PLEKHA5: variants seen among roughly 807,000 people sequenced by gnomAD.
PLEKHA5 encodes pleckstrin homology domain-containing family A member 5.
PLEKHA5 carries 55 observed loss-of-function variants against 181.9 expected under a neutral mutation model. The ratio of observed to expected loss-of-function variants is 0.30; its 90% CI spans 0.24 to 0.38. PLEKHA5 has a LOEUF of 0.38. PLEKHA5 is among the 10% of genes least tolerant of loss of function. The probability of loss-of-function intolerance (pLI) is 1.00; values close to 1 mark genes in which losing one functional copy is unlikely to be tolerated. For missense variants in PLEKHA5, 1,432 were observed against 1,549.5 expected (o/e 0.92, Z 1.27); for synonymous variants, 535 against 529.4 (o/e 1.01, Z -0.15).
At chr12:19,217,131 C>T (rs573777702) in intron 3 of PLEKHA5, among the ~76,000 whole-genome samples, 16 of 152,270 alleles carry the variant, frequency 1.1e-4, no homozygotes, top group African/African-American at 2.6e-4. Context: ...GATTTTTAAA[C>T]GTATTATAAT....
intron 3 of PLEKHA5, among the ~76,000 whole-genome samples, chr12:19,192,329 TTTAG>T (rs1180465658): frequency 6.6e-6 from 1 of 152,150 alleles, no homozygotes; most frequent in Non-Finnish European, 1.5e-5. Flanking sequence ...TTAAGTTCAC[TTTAG>T]TTAATGAAAT....
intron 20 of PLEKHA5, among the ~76,000 whole-genome samples, chr12:19,323,096 C>T (rs1315390011): frequency 6.9e-6 from 1 of 145,596 alleles, no homozygotes; most frequent in Non-Finnish European, 1.5e-5. Context: ...CTCCTGGTCT[C>T]AAGTGATTCT....
intron 3 of PLEKHA5, among the ~76,000 whole-genome samples, chr12:19,202,900 T>C (rs1164494462): frequency 6.6e-6 from 1 of 152,112 alleles, no homozygotes; most frequent in Admixed American, 6.6e-5. Context: ...GTATAAAGTC[T>C]TCAGAGGATA....
chr12:19,274,487 T>A (rs1436591907), intron 10 of PLEKHA5, 29 bp from the exon 11 acceptor site: 1 of 1,412,992 alleles, frequency 7.1e-7, no homozygotes, highest in Non-Finnish European at 9.9e-7. Context: ...TTTCATCTGA[T>A]TTACTATGAT....
At chr12:19,277,760 A>G (rs976413731) in intron 11 of PLEKHA5, among the ~76,000 whole-genome samples, 13 of 152,148 alleles carry the variant, frequency 8.5e-5, no homozygotes, top group African/African-American at 2.7e-4. Context: ...AAAGTCTTCT[A>G]TTATTAAAGT....
intron 15 of PLEKHA5, among the ~76,000 whole-genome samples, chr12:19,311,817 C>G (rs953934830): frequency 3.3e-5 from 5 of 152,154 alleles, no homozygotes; most frequent in African/African-American, 1.2e-4. Flanking sequence ...TTGACCTCCT[C>G]TCTTAAATCA....
At chr12:19,170,449 CAG>C (rs2045631644) in intron 3 of PLEKHA5, among the ~76,000 whole-genome samples, 2 of 145,788 alleles carry the variant, frequency 1.4e-5, no homozygotes, top group African/African-American at 2.5e-5. Context: ...TTTTTGGAGA[CAG>C]AGTCTCCCTC....
chr12:19,331,116 G>C (rs927811786), intron 20 of PLEKHA5, among the ~76,000 whole-genome samples: 1 of 152,028 alleles, frequency 6.6e-6, no homozygotes, highest in African/African-American at 2.4e-5. Flanking sequence ...TTAGCTCTAA[G>C]AATAATAGTA....
At chr12:19,248,247 T>C (rs916917156) in intron 3 of PLEKHA5, among the ~76,000 whole-genome samples, 1 of 152,154 alleles carries the variant, frequency 6.6e-6, no homozygotes, top group African/African-American at 2.4e-5. Context: ...GCCCAGACTT[T>C]AGTGCATTGG....
intron 3 of PLEKHA5, among the ~76,000 whole-genome samples, chr12:19,185,085 T>C (rs1030293757): frequency 1.3e-5 from 2 of 151,992 alleles, no homozygotes; most frequent in African/African-American, 4.8e-5. Context: ...GTACTTCTTC[T>C]CTATACCTTT....
chr12:19,314,765 C>G (rs2087933777), intron 15 of PLEKHA5, 49 bp from the exon 16 acceptor site: 1 of 959,606 alleles, frequency 1.0e-6, no homozygotes, highest in South Asian at 1.4e-5. Flanking sequence ...TCAAATCTAG[C>G]TATGCTGTAA....
chr12:19,149,691 C>G (rs2039911164), intron 3 of PLEKHA5: 1 of 152,052 alleles, frequency 6.6e-6, no homozygotes, highest in African/African-American at 2.4e-5. Flanking sequence ...CTGATCTTGG[C>G]AGGTCTAGCA....
At chr12:19,204,471 C>T (rs1003627039) in intron 3 of PLEKHA5, among the ~76,000 whole-genome samples, 9 of 152,072 alleles carry the variant, frequency 5.9e-5, no homozygotes, top group Non-Finnish European at 1.3e-4. Context: ...GAGAAAACTT[C>T]TTGACCATAT....
At chr12:19,220,011 T>C (rs1447462629) in intron 3 of PLEKHA5, among the ~76,000 whole-genome samples, 1 of 152,178 alleles carries the variant, frequency 6.6e-6, no homozygotes, top group Non-Finnish European at 1.5e-5. Flanking sequence ...TACAATGTTA[T>C]GTAATTACAA....
At chr12:19,174,773 A>G (rs2046794556) in intron 3 of PLEKHA5, among the ~76,000 whole-genome samples, 1 of 152,202 alleles carries the variant, frequency 6.6e-6, no homozygotes, top group Admixed American at 6.5e-5. Context: ...CTAGAGGGCC[A>G]CTTGGTTGTA....
At chr12:19,234,550 T>C (rs1282170151) in intron 3 of PLEKHA5, among the ~76,000 whole-genome samples, 1 of 152,026 alleles carries the variant, frequency 6.6e-6, no homozygotes, top group Non-Finnish European at 1.5e-5. Flanking sequence ...GCTTCCAGAG[T>C]CTCTTGACAC....
Position 19,343,822 on chromosome 12 carries a change from G to A in PLEKHA5, c.2662+388G>A, listed in dbSNP as rs574965784. Among the ~76,000 whole-genome samples the A allele has an allele frequency of 1.2e-3, 186 of 152,272 alleles. 5 individuals carry two copies. The South Asian group carries it at 0.024, about 20-fold the overall frequency. ...AATCCCAGCATTTTGGGAGGCTGAG[G>A]TGGGCAGATCACCTGAGGTCAGGAG... On this transcript the variant is annotated intron_variant, in intron 22 of 31. Transcript: ENST00000429027.
intron 2 of PLEKHA5, among the ~76,000 whole-genome samples, chr12:19,131,395 A>G (rs1290632158): frequency 7.9e-5 from 12 of 152,336 alleles, no homozygotes; most frequent in Admixed American, 7.2e-4. Flanking sequence ...TTTTTAAGGC[A>G]TTTCTGACTA....
intron 3 of PLEKHA5, among the ~76,000 whole-genome samples, chr12:19,249,772 G>A (rs891568724): frequency 4.6e-5 from 7 of 152,134 alleles, no homozygotes; most frequent in African/African-American, 1.7e-4. Context: ...GGAGGAGCTG[G>A]GATTCAAACC....
Sources: gnomAD v4.1 joint callset for allele counts (sites outside exome capture counted in the v4.1 genomes callset) on GRCh38, gnomAD v4.1.1 for gene constraint, MANE v1.5 for transcripts, NCBI Gene and HGNC (gene_info 2026-07-23, HGNC 2026-07-21) for gene names.